Variants in VTI1A observed in about 807,000 individuals in gnomAD.
VTI1A encodes vesicle transport through interaction with t-SNAREs 1A.
In VTI1A, 22 loss-of-function variants were observed where a neutral mutation model predicts 34.9. The observed-to-expected ratio is 0.63, with a 90% CI of 0.45 to 0.90. The LOEUF (loss-of-function observed/expected upper bound fraction) is 0.90, where lower values mean the gene tolerates loss of function less well. Ranked by LOEUF, VTI1A falls within the 40% of genes least tolerant of loss-of-function variation. The pLI, the probability that VTI1A is intolerant of heterozygous loss-of-function variation, is 0.00. For missense variants in VTI1A, 268 were observed against 275.6 expected (o/e 0.97, Z 0.20); for synonymous variants, 87 against 97.3 (o/e 0.89, Z 0.62).
At chr10:112,556,712 G>A (rs1462426731) in intron 5 of VTI1A, among the ~76,000 whole-genome samples, 1 of 151,850 alleles carries the variant, frequency 6.6e-6, no homozygotes, top group Non-Finnish European at 1.5e-5. Context: ...TGTTTTAGAG[G>A]GCTCAATACT....
chr10:112,764,820 G>A (rs1237453900), intron 7 of VTI1A, among the ~76,000 whole-genome samples: 1 of 152,130 alleles, frequency 6.6e-6, no homozygotes, highest in Non-Finnish European at 1.5e-5. Flanking sequence ...ATCTGTATTA[G>A]TGAATATTTG....
the VTI1A span, among the ~76,000 whole-genome samples, chr10:112,846,017 G>C: frequency 6.6e-6 from 1 of 152,032 alleles, no homozygotes; most frequent in Non-Finnish European, 1.5e-5. Flanking sequence ...GGCTCTGTCT[G>C]AAAAGAAAAG....
At chr10:112,568,368 A>G (rs117691329) in intron 5 of VTI1A, among the ~76,000 whole-genome samples, 5,543 of 152,090 alleles carry the variant, frequency 0.036, 358 homozygotes, top group East Asian at 0.27. Flanking sequence ...TTAGCTGGGC[A>G]TGATGGTAGA....
intron 5 of VTI1A, among the ~76,000 whole-genome samples, chr10:112,621,469 A>G (rs553102799): frequency 1.3e-5 from 2 of 152,170 alleles, no homozygotes; most frequent in Non-Finnish European, 2.9e-5. Context: ...CATAGTCCCC[A>G]TACCATCCTT....
At chr10:112,627,895 T>C (rs1845983961) in intron 5 of VTI1A, among the ~76,000 whole-genome samples, 1 of 152,116 alleles carries the variant, frequency 6.6e-6, no homozygotes, top group Admixed American at 6.5e-5. Context: ...GGATAGATAA[T>C]TCCAGGGGGT....
chr10:112,579,613 A>C (rs968966461), intron 5 of VTI1A, among the ~76,000 whole-genome samples: 5 of 152,220 alleles, frequency 3.3e-5, no homozygotes, highest in African/African-American at 1.2e-4. Flanking sequence ...TTCCAAATAA[A>C]AAAGTGTCAG....
intron 5 of VTI1A, among the ~76,000 whole-genome samples, chr10:112,611,207 G>A (rs1589971613): frequency 6.6e-6 from 1 of 152,172 alleles, no homozygotes; most frequent in African/African-American, 2.4e-5. Context: ...AAAGTCCAGC[G>A]GTTCTAGGGA....
chr10:112,720,938 C>G (rs1247694738), intron 7 of VTI1A, among the ~76,000 whole-genome samples: 1 of 151,818 alleles, frequency 6.6e-6, no homozygotes. Flanking sequence ...AGCACTTTGC[C>G]ACTAGGTTCT....
intron 3 of VTI1A, among the ~76,000 whole-genome samples, chr10:112,498,690 A>G (rs1051907375): frequency 6.6e-6 from 1 of 152,200 alleles, no homozygotes; most frequent in Non-Finnish European, 1.5e-5. Context: ...GTTTACTCAT[A>G]TGGGGCTCAA....
chr10:112,541,029 T>C (rs1850847142), intron 5 of VTI1A, among the ~76,000 whole-genome samples: 1 of 152,224 alleles, frequency 6.6e-6, no homozygotes, highest in Non-Finnish European at 1.5e-5. Context: ...ACATATTTTA[T>C]TAATTCACAA....
chr10:112,545,886 A>G (rs1851063960), intron 5 of VTI1A, among the ~76,000 whole-genome samples: 2 of 151,450 alleles, frequency 1.3e-5, no homozygotes, highest in Admixed American at 1.3e-4. Context: ...ATATATGTGT[A>G]TATATGCAAA....
chr10:112,742,925 C>T (rs1850744180), intron 7 of VTI1A, among the ~76,000 whole-genome samples: 1 of 151,564 alleles, frequency 6.6e-6, no homozygotes, highest in South Asian at 2.1e-4. Context: ...GATTTATAAG[C>T]CAGGCACCTT....
chr10:112,816,577 C>T lies in VTI1A; in HGVS notation c.*1194C>T, dbSNP rs762045312. 24 of 225,056 alleles carry T rather than the reference C, an allele frequency of 1.1e-4. No homozygotes were observed. The highest frequency in any genetic ancestry group is 1.8e-4 in the Non-Finnish European group (20 of 113,020). 13.9% of individuals were successfully genotyped at this position (225,056 alleles called of 1,614,324 possible). A position where few individuals can be genotyped will look rare whatever the true frequency, so the allele number is the denominator to read the frequency against. The stretch of plus-strand genomic sequence containing the variant: ...TTCTGTCTGAGGTAACCAGGAATTG[C>T]GTTCAAAATGAGCTCATTTGTGATC... On this transcript the variant is annotated 3_prime_UTR_variant, in exon 8 of 8. Coordinates refer to ENST00000393077, the MANE Select transcript of VTI1A (RefSeq NM_145206.4).
At chr10:112,693,984 G>A (rs555186551) in intron 7 of VTI1A, among the ~76,000 whole-genome samples, 3 of 152,190 alleles carry the variant, frequency 2.0e-5, no homozygotes, top group South Asian at 4.2e-4. Context: ...CAAGGTGGGC[G>A]GATCACAAGG....
intron 7 of VTI1A, among the ~76,000 whole-genome samples, chr10:112,801,264 T>C (rs938842593): frequency 1.3e-5 from 2 of 152,172 alleles, no homozygotes; most frequent in South Asian, 4.1e-4. Flanking sequence ...CTGAGACCTT[T>C]CGGCCACCTC....
At chr10:112,576,814 C>A (rs567416751) in intron 5 of VTI1A, among the ~76,000 whole-genome samples, 19 of 152,180 alleles carry the variant, frequency 1.2e-4, no homozygotes, top group African/African-American at 4.6e-4. Flanking sequence ...TTATCATGAC[C>A]TATAGTAAGA....
intron 7 of VTI1A, among the ~76,000 whole-genome samples, chr10:112,760,002 A>G (rs1424094318): frequency 1.3e-5 from 2 of 152,234 alleles, no homozygotes; most frequent in African/African-American, 4.8e-5. Flanking sequence ...CCCAATGGGG[A>G]ATACTGGAAC....
At chr10:112,845,473 T>C in the VTI1A span, among the ~76,000 whole-genome samples, 1 of 152,228 alleles carries the variant, frequency 6.6e-6, no homozygotes, top group Non-Finnish European at 1.5e-5. Context: ...CTGGACTTCA[T>C]TAATGCCTGG....
At chr10:112,737,347 A>G (rs1386369469) in intron 7 of VTI1A, 13 of 1,023,718 alleles carry the variant, frequency 1.3e-5, no homozygotes, top group Non-Finnish European at 1.1e-5. Flanking sequence ...CCTAACAATT[A>G]TTTTTAAAAG....
Sources: allele counts gnomAD v4.1 joint callset (sites outside exome capture counted in the v4.1 genomes callset), GRCh38; gene constraint gnomAD v4.1.1; transcripts MANE v1.5; gene names NCBI Gene and HGNC (gene_info 2026-07-23, HGNC 2026-07-21).